TSTD2: variants seen among roughly 807,000 people sequenced by gnomAD.
The protein encoded by TSTD2 is thiosulfate sulfurtransferase like domain containing 2.
In TSTD2, 37 loss-of-function variants were observed where a neutral mutation model predicts 47.9. That is an observed-to-expected ratio of 0.77 (90% CI 0.59 to 1.02). The LOEUF (loss-of-function observed/expected upper bound fraction) is 1.02, where lower values mean the gene tolerates loss of function less well. Among genes scored for constraint, TSTD2 ranks in the 50% least tolerant of loss-of-function variants. TSTD2 has a pLI of 0.00. For missense variants in TSTD2, 586 were observed against 616.0 expected, an observed-to-expected ratio of 0.95 and a Z score of 0.52; for synonymous variants, 201 against 215.9, an observed-to-expected ratio of 0.93 and a Z score of 0.61.
chr9:97,629,631 ACT>A (rs1261059769), intron 1 of TSTD2, among the ~76,000 whole-genome samples: 6 of 152,200 alleles, frequency 3.9e-5, no homozygotes, highest in African/African-American at 1.4e-4. Context: ...TACATCCCTA[ACT>A]CTACACAAAC....
At chr9:97,603,523 A>G (rs1028239628) in intron 9 of TSTD2, among the ~76,000 whole-genome samples, 1 of 152,222 alleles carries the variant, frequency 6.6e-6, no homozygotes, top group Admixed American at 6.5e-5. Flanking sequence ...GTAGTGATCA[A>G]TAAGAGACAA....
intron 4 of TSTD2, among the ~76,000 whole-genome samples, chr9:97,615,474 G>C (rs796790156): frequency 3.3e-5 from 5 of 152,286 alleles, no homozygotes; most frequent in African/African-American, 1.2e-4. Flanking sequence ...AGCCTTCAAT[G>C]TATCCCCTCA....
Position 97,617,845 on chromosome 9 carries a change from A to C in TSTD2, c.515T>G (p.Leu172Arg), listed in dbSNP as rs1483274060. The part of the protein sequence containing the change: ...GQGSEEGEVL[L>R]YYCYHDLEDP... Reference sequence around the variant, plus strand: ...CTCCAGGTCATGGTAGCAGTAATAAAGGAGCACCTCCCCTTCTTCACTGCC... The same window carrying C: ...CTCCAGGTCATGGTAGCAGTAATAACGGAGCACCTCCCCTTCTTCACTGCC... Residue 172 changes from leucine to arginine, a missense_variant, in exon 4 of 10, where the codon CTT becomes CGT. Physicochemically the swap from Leu to Arg is moderately radical, Grantham distance 102 (BLOSUM62 -2). Coordinates refer to ENST00000341170, the MANE Select transcript of TSTD2 (RefSeq NM_139246.5). 3.1e-6 allele frequency: 5 copies of C among 1,613,978 alleles called. No individual in the cohort carries two copies. The highest frequency in any genetic ancestry group is 4.2e-6 in the Non-Finnish European group (5 of 1,179,986).
rs1019870902 is a variant in TSTD2, at chr9:97,602,373, C to G, written c.*96G>C. 1.4e-6 allele frequency: 2 copies of G among 1,412,954 alleles called. No homozygotes were observed. Among genetic ancestry groups the G allele is most frequent in the African/African-American group, 2.9e-5 (2 of 69,054 alleles). The allele number at this position is 1,412,954 out of a possible 1,614,324, so 87.5% of individuals were successfully genotyped here. A position where few individuals can be genotyped will look rare whatever the true frequency, so the allele number is the denominator to read the frequency against. ...TGGCAGCGGCCAGAACTGAAGTTCC[C>G]GATTTCTCTGTTTCTGCAGTCTTGC... On this transcript the variant is annotated 3_prime_UTR_variant, in exon 10 of 10. Transcript: ENST00000341170.
At chr9:97,608,864 CT>C (rs1032959171) in intron 6 of TSTD2, among the ~76,000 whole-genome samples, 1 of 152,206 alleles carries the variant, frequency 6.6e-6, no homozygotes, top group Non-Finnish European at 1.5e-5. Flanking sequence ...CCGTTTCCCC[CT>C]GGCTTCACTC....
At position 97,626,000 on chromosome 9, in the gene TSTD2, G is replaced by T; in HGVS notation, c.166-3C>A. 1 of 1,603,442 alleles carries T rather than the reference G, an allele frequency of 6.2e-7. No individual in the cohort carries two copies. Among genetic ancestry groups the T allele is most frequent in the Non-Finnish European group, 8.5e-7 (1 of 1,176,096 alleles). On this transcript the variant is annotated splice_polypyrimidine_tract_variant and splice_region_variant and intron_variant, in intron 2 of 9. Coordinates refer to ENST00000341170, the MANE Select transcript of TSTD2 (RefSeq NM_139246.5). ...GTTTTGACAAAAAGGGCAAAGGCCT[G>T]CAATTAGATTTCAAATGCTAACACT...
In TSTD2 at chr9:97,605,529, G is replaced by A; in HGVS notation, c.1067C>T (p.Thr356Ile). The change falls in exon 8 of 10, where the codon ACC (threonine) becomes ATC (isoleucine). Residue 356 changes from threonine to isoleucine, a missense_variant. Coordinates refer to ENST00000341170, the MANE Select transcript of TSTD2 (RefSeq NM_139246.5). The part of the protein sequence containing the change: ...FREKRVLMYC[T>I]GGIRCERGSA... ...ACCCCGCTCACAGCGGATGCCCCCG[G>A]TACAGTACATCAGCACTCTCTTCTC... 2 of 1,614,102 alleles carry A rather than the reference G, an allele frequency of 1.2e-6. No individual in the cohort carries two copies. The highest frequency in any genetic ancestry group is 1.7e-6 in the Non-Finnish European group (2 of 1,180,008).
intron 2 of TSTD2, among the ~76,000 whole-genome samples, chr9:97,626,920 C>T (rs926273525): frequency 3.7e-5 from 3 of 80,204 alleles, no homozygotes; most frequent in African/African-American, 1.9e-4. Flanking sequence ...AGAAATGCTA[C>T]CCTATTTTTT....
intron 1 of TSTD2, among the ~76,000 whole-genome samples, chr9:97,630,755 G>A (rs1423775579): frequency 6.6e-6 from 1 of 152,086 alleles, no homozygotes; most frequent in African/African-American, 2.4e-5. Flanking sequence ...AGTACATGGG[G>A]TTTCATCATA....
At chr9:97,621,430 C>A (rs1285837691) in intron 3 of TSTD2, among the ~76,000 whole-genome samples, 1 of 152,146 alleles carries the variant, frequency 6.6e-6, no homozygotes, top group Non-Finnish European at 1.5e-5. Flanking sequence ...ATGTTCAGGG[C>A]ACAAGGGAGG....
At chr9:97,616,814 A>G (rs528662981) in intron 4 of TSTD2, among the ~76,000 whole-genome samples, 2 of 152,360 alleles carry the variant, frequency 1.3e-5, no homozygotes, top group African/African-American at 4.8e-5. Flanking sequence ...CATGTGTATA[A>G]TGTAATCAGA....
intron 3 of TSTD2, among the ~76,000 whole-genome samples, chr9:97,623,820 G>C (rs1049905522): frequency 6.6e-6 from 1 of 151,812 alleles, no homozygotes; most frequent in Non-Finnish European, 1.5e-5. Context: ...TCACACCACT[G>C]CACTCTAGCC....
chr9:97,627,396 A>G lies in TSTD2; in HGVS notation c.165+2T>C. ...ATCATGAAACATTCATAAGAATTCT[A>G]CCTTTTTCTTTGCAAACGAGTATTT... On this transcript the variant is annotated splice_donor_variant, in intron 2 of 9. Coordinates refer to ENST00000341170, the MANE Select transcript of TSTD2 (RefSeq NM_139246.5). LOFTEE classifies it high-confidence loss of function. The G allele has an allele frequency of 6.3e-7, 1 of 1,594,466 alleles. No homozygotes were observed. The highest frequency in any genetic ancestry group is 8.6e-7 in the Non-Finnish European group (1 of 1,168,050).
intron 4 of TSTD2, 121 bp from the exon 5 acceptor site, chr9:97,611,820 G>A: frequency 1.1e-6 from 1 of 944,762 alleles, no homozygotes; most frequent in Non-Finnish European, 1.6e-6. Context: ...ACGCTGATGA[G>A]GACACCAAAG....
At chr9:97,627,313 T>C in intron 2 of TSTD2, 85 bp downstream of exon 2, 1 of 1,496,236 alleles carries the variant, frequency 6.7e-7, no homozygotes, top group Middle Eastern at 2.5e-4. Context: ...TACCTTGAGC[T>C]GGAGAGCAAC....
chr9:97,621,237 CAATA>C (rs764352992), intron 3 of TSTD2, among the ~76,000 whole-genome samples: 5 of 152,224 alleles, frequency 3.3e-5, no homozygotes, highest in Non-Finnish European at 7.3e-5. Context: ...CTTCCCCAAT[CAATA>C]CTCTCATAAT....
intron 6 of TSTD2, among the ~76,000 whole-genome samples, chr9:97,609,455 G>C (rs1245858363): frequency 6.6e-6 from 1 of 152,116 alleles, no homozygotes; most frequent in Admixed American, 6.6e-5. Context: ...AAAAAAGATG[G>C]AAACAAATCT....
chr9:97,617,930 G>A (rs922097914), intron 3 of TSTD2, 53 bp from the exon 4 acceptor site: 3 of 1,581,990 alleles, frequency 1.9e-6, no homozygotes, highest in African/African-American at 1.3e-5. Context: ...GCATAAAGAA[G>A]TCACAATTCA....
At chr9:97,627,153 G>A (rs974450848) in intron 2 of TSTD2, among the ~76,000 whole-genome samples, 5 of 151,836 alleles carry the variant, frequency 3.3e-5, no homozygotes, top group African/African-American at 1.2e-4. Flanking sequence ...TTTTTGACCT[G>A]GGGGGTGGGG....
Sources: gnomAD v4.1 joint callset for allele counts (sites outside exome capture counted in the v4.1 genomes callset) on GRCh38, gnomAD v4.1.1 for gene constraint, MANE v1.5 for transcripts, NCBI Gene and HGNC (gene_info 2026-07-23, HGNC 2026-07-21) for gene names.